The following PDXDC1 variants were observed in gnomAD, a reference collection of about 807,000 sequenced individuals.
The protein encoded by PDXDC1 is pyridoxal-dependent decarboxylase domain-containing protein 1.
PDXDC1 carries 42 observed loss-of-function variants against 100.1 expected under a neutral mutation model. That is an observed-to-expected ratio of 0.42 (90% confidence interval 0.33 to 0.54). PDXDC1 has a LOEUF of 0.54. Among genes scored for constraint, PDXDC1 ranks in the 20% least tolerant of loss-of-function variants. The pLI, the probability that PDXDC1 is intolerant of heterozygous loss-of-function variation, is 0.10. For synonymous variants in PDXDC1, 260 were observed against 371.7 expected (o/e 0.70, Z 3.46); for missense variants, 636 against 979.2 (o/e 0.65, Z 4.68).
At chr16:15,063,074 C>T (rs1228190329) in intron 16 of PDXDC1, 9 of 781,690 alleles carry the variant, frequency 1.2e-5, no homozygotes, top group Non-Finnish European at 2.3e-6. Flanking sequence ...CAGCAATCCT[C>T]TGGCCTTGAC....
intron 16 of PDXDC1, among the ~76,000 whole-genome samples, chr16:15,086,764 A>T (rs188400416): frequency 1.3e-5 from 2 of 152,314 alleles, no homozygotes; most frequent in African/African-American, 4.8e-5. Flanking sequence ...ACTTTTAAAA[A>T]CTGCAGCATT....
At chr16:15,094,265 G>C in intron 16 of PDXDC1, 1 of 1,505,342 alleles carries the variant, frequency 6.6e-7, no homozygotes, top group South Asian at 1.2e-5. Flanking sequence ...CTGCGCCTCA[G>C]GCCGGATGCC....
chr16:15,018,323 T>C (rs2041945585), intron 11 of PDXDC1, among the ~76,000 whole-genome samples: 1 of 152,226 alleles, frequency 6.6e-6, no homozygotes, highest in Middle Eastern at 3.2e-3. Context: ...GTGGGAGGGC[T>C]GATTGAGCCC....
At chr16:14,997,053 A>G (rs1222846381) in intron 1 of PDXDC1, among the ~76,000 whole-genome samples, 2 of 152,158 alleles carry the variant, frequency 1.3e-5, no homozygotes, top group Non-Finnish European at 2.9e-5. Context: ...GGTTACCCCC[A>G]TGGGACTTGT....
At chr16:15,133,814 C>T in intron 16 of PDXDC1, 2 of 1,587,006 alleles carry the variant, frequency 1.3e-6, no homozygotes, top group Admixed American at 1.8e-5. Context: ...CGAAGTGCAC[C>T]TTGGTGGTGA....
intron 16 of PDXDC1, among the ~76,000 whole-genome samples, chr16:15,058,123 A>G (rs1352288716): frequency 1.3e-5 from 2 of 152,014 alleles, no homozygotes; most frequent in African/African-American, 4.8e-5. Context: ...GAGCCTGGAC[A>G]ACACAGGGAT....
chr16:15,093,767 T>C (rs554136893), intron 16 of PDXDC1, among the ~76,000 whole-genome samples: 4 of 152,254 alleles, frequency 2.6e-5, no homozygotes, highest in African/African-American at 7.2e-5. Flanking sequence ...AGATGTAATA[T>C]TCAATTTGCC....
the PDXDC1 span, among the ~76,000 whole-genome samples, chr16:15,146,071 G>A: frequency 1.4e-4 from 22 of 152,272 alleles, no homozygotes; most frequent in Admixed American, 7.8e-4. Context: ...CCAGGGAGGG[G>A]CTTGCAGATG....
At chr16:14,989,161 G>A (rs1469435329) in intron 1 of PDXDC1, 2 of 1,614,206 alleles carry the variant, frequency 1.2e-6, no homozygotes, top group East Asian at 4.5e-5. Context: ...AGGAGCTGGT[G>A]GTCTTGAAGC....
chr16:15,141,648 C>T (rs2048477231), downstream of PDXDC1, among the ~76,000 whole-genome samples: 1 of 152,198 alleles, frequency 6.6e-6, no homozygotes, highest in African/African-American at 2.4e-5. Flanking sequence ...CTCTGCCGTC[C>T]CCTCCTCTAC....
chr16:15,092,729 G>C lies in PDXDC1; in HGVS notation c.1400-46150G>C, dbSNP rs1045375186. 3.3e-5 allele frequency: 23 copies of C among 691,664 alleles called. No individual in the cohort carries two copies. The African/African-American group carries it at 4.2e-4, about 13-fold the overall frequency. The allele number at this position is 691,664 out of a possible 1,614,324, so 42.8% of individuals were successfully genotyped here. A position where few individuals can be genotyped will look rare whatever the true frequency, so the allele number is the denominator to read the frequency against. Reference sequence around the variant, plus strand: ...GAACTATTGTTAAGGCCTCTTTACTGGTCTCCCTGCTTCCACTCTTAACCA... The same window carrying C: ...GAACTATTGTTAAGGCCTCTTTACTCGTCTCCCTGCTTCCACTCTTAACCA... On this transcript the variant is annotated intron_variant, in intron 16 of 16. Transcript: ENST00000535621.
intron 16 of PDXDC1, among the ~76,000 whole-genome samples, chr16:15,066,520 C>G (rs2044980342): frequency 6.6e-6 from 1 of 151,728 alleles, no homozygotes; most frequent in African/African-American, 2.4e-5. Flanking sequence ...GTAGTCCCAG[C>G]TATTCGGGAG....
At chr16:15,142,694 G>A (rs1180639078), downstream of PDXDC1, among the ~76,000 whole-genome samples, 9 of 152,110 alleles carry the variant, frequency 5.9e-5, no homozygotes, top group African/African-American at 1.2e-4. Flanking sequence ...TGCCATCGCC[G>A]TTCTGGGGGA....
intron 16 of PDXDC1, among the ~76,000 whole-genome samples, chr16:15,057,423 A>AT (rs1491367237): frequency 6.6e-6 from 1 of 152,224 alleles, no homozygotes; most frequent in Non-Finnish European, 1.5e-5. Context: ...GTTATAACAG[A>AT]TACAGTAACT....
the PDXDC1 span, among the ~76,000 whole-genome samples, chr16:15,150,312 G>A: frequency 6.6e-6 from 1 of 151,724 alleles, no homozygotes; most frequent in African/African-American, 2.4e-5. Flanking sequence ...CTGCACTCCA[G>A]CCTGGGCAAC....
chr16:15,006,445 A>T lies in PDXDC1; in HGVS notation c.441A>T (p.Ala147=). Residue 147 remains alanine (A), a synonymous_variant, in exon 6 of 23, where the codon GCA becomes GCT. Transcript: ENST00000396410. ...ACGAAGAGGAAAGAGAAGGACTTGC[A>T]AAGATATGTAGGCTTGCCATTCATT... ...YFHEEEREGL[A]KICRLAIHSR... The T allele has an allele frequency of 6.2e-7, 1 of 1,605,968 alleles. No individual in the cohort carries two copies. The highest frequency in any genetic ancestry group is 8.5e-7 in the Non-Finnish European group (1 of 1,173,816).
chr16:15,136,273 C>G (rs1274045797), intron 16 of PDXDC1: 3 of 613,470 alleles, frequency 4.9e-6, no homozygotes, highest in Non-Finnish European at 8.6e-6. Flanking sequence ...CAGGGCCCAC[C>G]ACCCCAGGCT....
intron 1 of PDXDC1, chr16:14,989,544 A>T: frequency 1.2e-6 from 2 of 1,611,978 alleles, no homozygotes; most frequent in Non-Finnish European, 1.7e-6. Context: ...GTTGAGCTGG[A>T]TGCGCTGCAG....
intron 9 of PDXDC1, among the ~76,000 whole-genome samples, chr16:15,016,720 A>G (rs1278154068): frequency 6.6e-6 from 1 of 152,282 alleles, no homozygotes; most frequent in African/African-American, 2.4e-5. Flanking sequence ...AGAAATGGAG[A>G]TGGCGCCCTG....
Sources: gnomAD v4.1 joint callset for allele counts (sites outside exome capture counted in the v4.1 genomes callset) on GRCh38, gnomAD v4.1.1 for gene constraint, MANE v1.5 for transcripts, NCBI Gene and HGNC (gene_info 2026-07-23, HGNC 2026-07-21) for gene names.